Variants in LPAR6 observed in about 807,000 individuals in gnomAD.
The protein encoded by LPAR6 is G-protein coupled purinergic receptor P2Y5.
A neutral mutation model predicts 22.0 loss-of-function variants in LPAR6; 17 were observed. That is an observed-to-expected ratio of 0.77 (90% CI 0.53 to 1.16). The LOEUF is 1.16. LPAR6 is among the 50% of genes most tolerant of loss of function. The probability of loss-of-function intolerance (pLI) is 0.00; values close to 1 mark genes in which losing one functional copy is unlikely to be tolerated. For missense variants in LPAR6, 384 were observed against 406.9 expected (o/e 0.94, Z 0.48); for synonymous variants, 136 against 139.8 (o/e 0.97, Z 0.19).
chr13:48,395,786 G>A (rs1948643317), intron 1 of LPAR6, among the ~76,000 whole-genome samples: 1 of 152,036 alleles, frequency 6.6e-6, no homozygotes, highest in Non-Finnish European at 1.5e-5. Flanking sequence ...AGGGAGAGTG[G>A]AACCAAGTTA....
intron 1 of LPAR6, among the ~76,000 whole-genome samples, chr13:48,392,413 G>A (rs746823364): frequency 3.3e-5 from 5 of 151,954 alleles, no homozygotes; most frequent in Non-Finnish European, 7.4e-5. Flanking sequence ...GCCTGGCCTT[G>A]TTCTTTTTTT....
chr13:48,443,340 A>G (rs1354868490), intron 1 of LPAR6, among the ~76,000 whole-genome samples: 2 of 151,908 alleles, frequency 1.3e-5, no homozygotes, highest in East Asian at 3.9e-4. Flanking sequence ...AATTCTAGGA[A>G]GCTTCTCTAT....
intron 1 of LPAR6, among the ~76,000 whole-genome samples, chr13:48,435,042 A>C (rs1245000750): frequency 6.6e-6 from 1 of 152,234 alleles, no homozygotes; most frequent in Non-Finnish European, 1.5e-5. Context: ...GTTTAGTATC[A>C]GTATGGGTTT....
chr13:48,419,860 G>T (rs1387462049), intron 2 of LPAR6, among the ~76,000 whole-genome samples: 1 of 152,150 alleles, frequency 6.6e-6, no homozygotes, highest in Non-Finnish European at 1.5e-5. Context: ...TCCCTGAATA[G>T]ACCAATAACA....
At chr13:48,405,918 T>G (rs576509520) in intron 1 of LPAR6, among the ~76,000 whole-genome samples, 1 of 152,318 alleles carries the variant, frequency 6.6e-6, no homozygotes, top group South Asian at 2.1e-4. Context: ...CTTTTTTTCA[T>G]TTAACACTAC....
intron 1 of LPAR6, among the ~76,000 whole-genome samples, chr13:48,425,340 C>T (rs1949064246): frequency 1.3e-5 from 2 of 152,218 alleles, no homozygotes; most frequent in African/African-American, 4.8e-5. Context: ...TCTCCATTCT[C>T]TCAAGGATGC....
upstream of LPAR6, chr13:48,416,314 C>T (rs117687990): frequency 0.035 from 5,401 of 152,374 alleles, 126 homozygotes; most frequent in Middle Eastern, 0.078. Context: ...TCGCCTTACA[C>T]GGGAAGTGCA....
intron 1 of LPAR6, among the ~76,000 whole-genome samples, chr13:48,435,089 G>A (rs1949170124): frequency 6.6e-6 from 1 of 152,178 alleles, no homozygotes; most frequent in African/African-American, 2.4e-5. Flanking sequence ...GAGTAAAATT[G>A]AAGAGTTGTA....
chr13:48,410,480 C>T (rs1045886996), downstream of LPAR6, among the ~76,000 whole-genome samples: 3 of 152,158 alleles, frequency 2.0e-5, no homozygotes, highest in East Asian at 1.9e-4. Flanking sequence ...ATAAGCAACA[C>T]GTGACAGTAT....
intron 1 of LPAR6, among the ~76,000 whole-genome samples, chr13:48,393,620 T>C (rs1342996416): frequency 6.6e-6 from 1 of 152,206 alleles, no homozygotes; most frequent in East Asian, 1.9e-4. Context: ...TATTTACAAA[T>C]ATGAAATATG....
intron 1 of LPAR6, among the ~76,000 whole-genome samples, chr13:48,435,087 T>C (rs921654819): frequency 6.6e-6 from 1 of 152,188 alleles, no homozygotes; most frequent in African/African-American, 2.4e-5. Context: ...ATGAGTAAAA[T>C]TGAAGAGTTG....
upstream of LPAR6, among the ~76,000 whole-genome samples, chr13:48,413,609 A>G (rs1235560125): frequency 6.6e-6 from 1 of 152,192 alleles, no homozygotes; most frequent in Non-Finnish European, 1.5e-5. Flanking sequence ...AATACTCAAT[A>G]TTTAATTGTT....
chr13:48,392,681 C>A (rs2138162496), intron 1 of LPAR6, among the ~76,000 whole-genome samples: 1 of 152,016 alleles, frequency 6.6e-6, no homozygotes, highest in Non-Finnish European at 1.5e-5. Flanking sequence ...GGTATTATAA[C>A]TTTTTAAATG....
chr13:48,406,126 A>ATG (rs1488581426), downstream of LPAR6, among the ~76,000 whole-genome samples: 1 of 151,814 alleles, frequency 6.6e-6, no homozygotes, highest in African/African-American at 2.4e-5. Context: ...GTATGTATGT[A>ATG]TGTGTGTGTT....
At chr13:48,422,312 A>T (rs1949018339) in intron 2 of LPAR6, among the ~76,000 whole-genome samples, 1 of 152,182 alleles carries the variant, frequency 6.6e-6, no homozygotes, top group African/African-American at 2.4e-5. Context: ...GTGGGAACTG[A>T]ACAATGAGAA....
In LPAR6 at chr13:48,411,709, A is replaced by G; in HGVS notation, c.715T>C (p.Cys239Arg). 1 of 1,606,370 alleles carries G rather than the reference A, an allele frequency of 6.2e-7. No homozygotes were observed. Among genetic ancestry groups the G allele is most frequent in the Non-Finnish European group, 8.5e-7 (1 of 1,173,216 alleles). The change falls in exon 1 of 1, where the codon TGT becomes CGT. Residue 239 changes from cysteine to arginine, a missense_variant. Cys to Arg is a radical substitution (Grantham distance 180). Coordinates refer to ENST00000620633, the MANE Select transcript of LPAR6 (RefSeq NM_001162498.3). ...ATATTGTAAGGAACAAAACAGAAAC[A>G]GAATATGATCAAATGTACAAAAATC... ...KMIFVHLIIF[C>R]FCFVPYNINL...
At position 48,411,623 on chromosome 13, in the gene LPAR6, T is replaced by G. The variant is rs4151552; in HGVS notation, c.801A>C (p.Ala267=). 2.4e-3 allele frequency: 3,861 copies of G among 1,612,216 alleles called. 3 individuals carry two copies. The highest frequency in any genetic ancestry group is 3.0e-3 in the Non-Finnish European group (3,556 of 1,178,416). Reference sequence around the variant, plus strand: ...TGATTGGGTACATTGTCCTTACTGCTGCCACTACTGAGCAATTAACAAATG... The same window carrying G: ...TGATTGGGTACATTGTCCTTACTGCGGCCACTACTGAGCAATTAACAAATG... ...TQTFVNCSVV[A]AVRTMYPITL... The change falls in exon 1 of 1, where the codon GCA becomes GCC. Residue 267 remains alanine, a synonymous_variant. Coordinates refer to ENST00000620633, the MANE Select transcript of LPAR6 (RefSeq NM_001162498.3).
upstream of LPAR6, among the ~76,000 whole-genome samples, chr13:48,413,870 G>C (rs774710469): frequency 4.6e-5 from 7 of 152,000 alleles, no homozygotes; most frequent in Non-Finnish European, 1.0e-4. Context: ...ATTGAAATAA[G>C]GTTTAGAGAA....
chr13:48,424,627 C>T (rs1298225001), intron 1 of LPAR6, among the ~76,000 whole-genome samples: 3 of 152,104 alleles, frequency 2.0e-5, no homozygotes, highest in Non-Finnish European at 4.4e-5. Flanking sequence ...TCTCTTGTTG[C>T]TTCTTCATCT....
Sources: gnomAD v4.1 joint callset for allele counts (sites outside exome capture counted in the v4.1 genomes callset) on GRCh38, gnomAD v4.1.1 for gene constraint, MANE v1.5 for transcripts, NCBI Gene and HGNC (gene_info 2026-07-23, HGNC 2026-07-21) for gene names.